Variants in ADGRA3 observed in about 807,000 individuals in gnomAD.
The protein encoded by ADGRA3 is adhesion G protein-coupled receptor A3.
ADGRA3 carries 56 observed loss-of-function variants against 119.8 expected under a neutral mutation model. The observed-to-expected ratio is 0.47, with a 90% confidence interval of 0.38 to 0.58. The LOEUF (loss-of-function observed/expected upper bound fraction) is 0.58. Ranked by LOEUF, ADGRA3 falls within the 20% of genes least tolerant of loss-of-function variation. The probability of loss-of-function intolerance (pLI) is 0.00; values close to 1 mark genes in which losing one functional copy is unlikely to be tolerated. For missense variants in ADGRA3, 1,516 were observed against 1,649.0 expected (o/e 0.92, Z 1.40); for synonymous variants, 607 against 623.8 (o/e 0.97, Z 0.40).
In ADGRA3 at chr4:22,482,815, G is replaced by A. The variant is rs188520250; in HGVS notation, c.258-8972C>T. Among the ~76,000 whole-genome samples, 133 of 152,332 alleles carry A rather than the reference G, an allele frequency of 8.7e-4. 1 individual carries two copies. The highest frequency in any genetic ancestry group is 1.2e-3 in the Non-Finnish European group (81 of 68,040). ...TTAACATTCCAGCAGTGTCAAGTATGAGTGACTGTTGCAGCCACATGCTCC... is the reference window on the plus strand; with the variant it reads ...TTAACATTCCAGCAGTGTCAAGTATAAGTGACTGTTGCAGCCACATGCTCC... On this transcript the variant is annotated intron_variant, in intron 1 of 18. Coordinates refer to ENST00000334304, the MANE Select transcript of ADGRA3 (RefSeq NM_145290.4).
At chr4:22,486,398 G>A (rs547635956) in intron 1 of ADGRA3, among the ~76,000 whole-genome samples, 13 of 152,186 alleles carry the variant, frequency 8.5e-5, no homozygotes, top group Admixed American at 4.6e-4. Context: ...TTTCCCCGTC[G>A]TCCAGGGAAA....
At chr4:22,458,760 T>C (rs997143713) in intron 3 of ADGRA3, among the ~76,000 whole-genome samples, 3 of 152,098 alleles carry the variant, frequency 2.0e-5, no homozygotes, top group Non-Finnish European at 2.9e-5. Flanking sequence ...AGAACTCCAA[T>C]CTCCACTACC....
chr4:22,482,979 T>G (rs964315835), intron 1 of ADGRA3, among the ~76,000 whole-genome samples: 1 of 152,198 alleles, frequency 6.6e-6, no homozygotes, highest in Non-Finnish European at 1.5e-5. Context: ...CCCCAGCCAA[T>G]GACTGAGCAC....
At chr4:22,426,527 G>C (rs548014208) in intron 10 of ADGRA3, among the ~76,000 whole-genome samples, 120 of 152,264 alleles carry the variant, frequency 7.9e-4, no homozygotes, top group African/African-American at 2.8e-3. Flanking sequence ...CCAGACACTG[G>C]TGCAACAGCA....
At chr4:22,477,851 G>C (rs767100814) in intron 1 of ADGRA3, among the ~76,000 whole-genome samples, 5 of 152,168 alleles carry the variant, frequency 3.3e-5, no homozygotes, top group African/African-American at 4.8e-5. Flanking sequence ...AACAGAATCA[G>C]TATGAATAAA....
chr4:22,402,154 T>C (rs1014103388), intron 15 of ADGRA3, among the ~76,000 whole-genome samples: 2 of 152,176 alleles, frequency 1.3e-5, no homozygotes, highest in South Asian at 2.1e-4. Flanking sequence ...ATCCTTTTAG[T>C]TCATTATTTC....
At position 22,473,808 on chromosome 4, in the gene ADGRA3, T is replaced by G. The variant is rs1164624337; in HGVS notation, c.293A>C (p.Asn98Thr). Residue 98 changes from asparagine (N) to threonine (T), a missense_variant, in exon 2 of 19, where the codon AAT (asparagine) becomes ACT (threonine). Physicochemically the swap from Asn to Thr is moderately conservative, Grantham distance 65 (BLOSUM62 0). Transcript: ENST00000334304. Reference protein sequence around the residue: ...LSNNKISELKNGSFSGLSLLE... With the variant: ...LSNNKISELKTGSFSGLSLLE... ...GAGACTTAACCCAGAAAATGAGCCA[T>G]TCTTCAGCTCGGATATCTTATTGTT... 3 of 1,607,040 alleles carry G rather than the reference T, an allele frequency of 1.9e-6. No homozygotes were observed. The African/African-American group carries it at 4.0e-5, about 21-fold the overall frequency.
At chr4:22,443,138 A>C (rs1197759548) in intron 6 of ADGRA3, 11 of 666,146 alleles carry the variant, frequency 1.7e-5, no homozygotes, top group Non-Finnish European at 2.7e-5. Context: ...ACAGAAATGA[A>C]CTAAAAGAAC....
intron 1 of ADGRA3, chr4:22,477,726 C>T (rs565065644): frequency 5.3e-5 from 8 of 152,298 alleles, no homozygotes; most frequent in South Asian, 4.1e-4. Flanking sequence ...AAAAGGAAGA[C>T]ATTTCATCAC....
intron 17 of ADGRA3, among the ~76,000 whole-genome samples, chr4:22,391,376 G>A (rs760626470): frequency 2.1e-4 from 32 of 151,982 alleles, no homozygotes; most frequent in East Asian, 9.7e-4. Context: ...AACACCCTCC[G>A]TCAAGGCACG....
intron 1 of ADGRA3, among the ~76,000 whole-genome samples, chr4:22,479,866 A>G (rs190282362): frequency 6.6e-6 from 1 of 152,310 alleles, no homozygotes; most frequent in East Asian, 1.9e-4. Flanking sequence ...GAAGCTGGAA[A>G]CCATCATTCC....
In ADGRA3 at chr4:22,499,033, G is replaced by A. The variant is rs544877856; in HGVS notation, c.257+16495C>T. ...GGCAGGTCTCAGCTTGTAAGTGAGG[G>A]GCAATTAGTAGTGAGAAAAGGCAAG... On this transcript the variant is annotated intron_variant, in intron 1 of 18. Coordinates refer to ENST00000334304, the MANE Select transcript of ADGRA3 (RefSeq NM_145290.4). Among the ~76,000 whole-genome samples the A allele has an allele frequency of 1.1e-4, 16 of 152,296 alleles. No homozygotes were observed. The South Asian group carries it at 3.3e-3, about 32-fold the overall frequency.
intron 1 of ADGRA3, among the ~76,000 whole-genome samples, chr4:22,489,091 A>T (rs1198968472): frequency 6.6e-6 from 1 of 152,194 alleles, no homozygotes; most frequent in Admixed American, 6.5e-5. Context: ...ATGGACTCAC[A>T]GTTCCACATG....
chr4:22,441,050 C>T (rs1191784437), intron 7 of ADGRA3, among the ~76,000 whole-genome samples: 13 of 151,926 alleles, frequency 8.6e-5, no homozygotes, highest in Admixed American at 8.5e-4. Context: ...AATAACTGAA[C>T]AGGAGTTGAT....
At chr4:22,393,653 TTAAG>T (rs1714231362) in intron 16 of ADGRA3, 2 of 152,106 alleles carry the variant, frequency 1.3e-5, no homozygotes, top group Admixed American at 6.6e-5. Flanking sequence ...TACTGTGAGG[TTAAG>T]TAAGATGGTC....
intron 1 of ADGRA3, among the ~76,000 whole-genome samples, chr4:22,512,914 CTG>C (rs34420341): frequency 0.62 from 94,513 of 151,720 alleles, 29,714 homozygotes; most frequent in Non-Finnish European, 0.66. Context: ...TCAACAAAAA[CTG>C]TGCTCAACTA....
At chr4:22,440,868 T>C (rs1021586447) in intron 7 of ADGRA3, among the ~76,000 whole-genome samples, 8 of 152,216 alleles carry the variant, frequency 5.3e-5, no homozygotes, top group African/African-American at 1.7e-4. Context: ...AGTGTAACAA[T>C]GAATATATCA....
chr4:22,409,517 T>C (rs748477990), intron 14 of ADGRA3, among the ~76,000 whole-genome samples: 2 of 152,180 alleles, frequency 1.3e-5, no homozygotes, highest in African/African-American at 2.4e-5. Flanking sequence ...GCATTTAACC[T>C]CTCTCTGCCT....
chr4:22,456,242 A>G lies in ADGRA3; in HGVS notation c.402-1305T>C, dbSNP rs1026361262. 5.9e-5 allele frequency among the ~76,000 whole-genome samples: 9 copies of G among 152,232 alleles called. No homozygotes were observed. The East Asian group carries it at 1.6e-3, about 26-fold the overall frequency. On this transcript the variant is annotated intron_variant, in intron 3 of 18. Transcript: ENST00000334304. Reference sequence around the variant, plus strand: ...TGAGATGGTTTAATTTTAGGTGTCAACTTCGCTGGATTGAGAGGCCTCAAT... The same window carrying G: ...TGAGATGGTTTAATTTTAGGTGTCAGCTTCGCTGGATTGAGAGGCCTCAAT...
Sources: allele counts gnomAD v4.1 joint callset (sites outside exome capture counted in the v4.1 genomes callset), GRCh38; gene constraint gnomAD v4.1.1; transcripts MANE v1.5; gene names NCBI Gene and HGNC (gene_info 2026-07-23, HGNC 2026-07-21).